The following ARRB1 variants were observed in gnomAD, a reference collection of about 807,000 sequenced individuals.
ARRB1 encodes the protein beta-arrestin-1.
A neutral mutation model predicts 56.8 loss-of-function variants in ARRB1; 21 were observed. The ratio of observed to expected loss-of-function variants is 0.37; its 90% CI spans 0.26 to 0.53. The LOEUF (loss-of-function observed/expected upper bound fraction) is 0.53. Ranked by LOEUF, ARRB1 falls within the 20% of genes least tolerant of loss-of-function variation. ARRB1 has a pLI of 0.88. For synonymous variants in ARRB1, 210 were observed against 218.6 expected, an observed-to-expected ratio of 0.96 and a Z score of 0.35; for missense variants, 424 against 553.7, an observed-to-expected ratio of 0.77 and a Z score of 2.35.
At chr11:75,281,890 A>G in intron 6 of ARRB1, 72 bp downstream of exon 6, 4 of 1,497,494 alleles carry the variant, frequency 2.7e-6, no homozygotes, top group Non-Finnish European at 3.7e-6. Flanking sequence ...AGCACCTCCC[A>G]GGGAGAAAGC....
chr11:75,290,168 A>G (rs913419702), intron 1 of ARRB1, 129 bp from the exon 2 acceptor site: 21 of 1,081,454 alleles, frequency 1.9e-5, no homozygotes, highest in Middle Eastern at 2.7e-4. Flanking sequence ...CAGGCTTGAG[A>G]TCCGAACAGT....
At chr11:75,335,818 G>A (rs1947593599) in intron 1 of ARRB1, among the ~76,000 whole-genome samples, 1 of 152,164 alleles carries the variant, frequency 6.6e-6, no homozygotes, top group Non-Finnish European at 1.5e-5. Flanking sequence ...TTTACCAAAT[G>A]TTCCCACATC....
chr11:75,266,081 A>G lies in ARRB1; in HGVS notation c.*82T>C. 1 of 1,259,818 alleles carries G rather than the reference A, an allele frequency of 7.9e-7. No individual in the cohort carries two copies. The highest frequency in any genetic ancestry group is 1.2e-5 in the South Asian group (1 of 82,316). 78.0% of individuals were successfully genotyped at this position (1,259,818 alleles called of 1,614,324 possible). On this transcript the variant is annotated 3_prime_UTR_variant, in exon 16 of 16. Coordinates refer to ENST00000420843, the MANE Select transcript of ARRB1 (RefSeq NM_004041.5). ...AAACTGGAAGAACAAAGGGGAAAAG[A>G]AACCAGAACAGGAAGAAGACGAGTA...
chr11:75,319,647 G>T (rs1312450528), intron 1 of ARRB1, among the ~76,000 whole-genome samples: 2 of 152,162 alleles, frequency 1.3e-5, no homozygotes, highest in African/African-American at 4.8e-5. Flanking sequence ...ATAAGCATCT[G>T]CCCTGCCCCA....
chr11:75,330,175 G>C (rs1947497973), intron 1 of ARRB1, among the ~76,000 whole-genome samples: 2 of 152,190 alleles, frequency 1.3e-5, no homozygotes, highest in African/African-American at 2.4e-5. Flanking sequence ...TGAACCTTCA[G>C]ATCCTGCTGC....
At chr11:75,335,122 C>A in intron 1 of ARRB1, 1 of 229,514 alleles carries the variant, frequency 4.4e-6, no homozygotes, top group South Asian at 4.7e-5. Context: ...AGGAAGGGCC[C>A]AGAGGCGATC....
intron 1 of ARRB1, among the ~76,000 whole-genome samples, chr11:75,307,771 G>A (rs1947064293): frequency 6.6e-6 from 1 of 152,204 alleles, no homozygotes; most frequent in Admixed American, 6.5e-5. Flanking sequence ...TTGAACTGAA[G>A]CCACCATGCC....
At chr11:75,292,227 T>C (rs1946627099) in intron 1 of ARRB1, among the ~76,000 whole-genome samples, 1 of 152,030 alleles carries the variant, frequency 6.6e-6, no homozygotes, top group African/African-American at 2.4e-5. Context: ...GCAACCTCCA[T>C]CCCCCAGGTT....
At chr11:75,315,792 T>A (rs913940355) in intron 1 of ARRB1, among the ~76,000 whole-genome samples, 2 of 151,010 alleles carry the variant, frequency 1.3e-5, no homozygotes, top group Non-Finnish European at 3.0e-5. Flanking sequence ...AAGCATCTCA[T>A]GAAAGGCACA....
At chr11:75,282,116 C>G (rs973584520) in intron 5 of ARRB1, 95 bp from the exon 6 acceptor site, 14 of 1,347,056 alleles carry the variant, frequency 1.0e-5, no homozygotes, top group Middle Eastern at 1.8e-4. Flanking sequence ...CCCATCAGAC[C>G]AAGGGCCCCA....
At chr11:75,274,290 T>C in intron 10 of ARRB1, 79 bp from the exon 11 acceptor site, 1 of 1,569,292 alleles carries the variant, frequency 6.4e-7, no homozygotes, top group East Asian at 2.3e-5. Flanking sequence ...CAGCAGAATA[T>C]CTAGTCTGAG....
chr11:75,308,550 C>T (rs1465037640), intron 1 of ARRB1, among the ~76,000 whole-genome samples: 1 of 152,104 alleles, frequency 6.6e-6, no homozygotes, highest in Non-Finnish European at 1.5e-5. Context: ...TCAAGACCAG[C>T]CTGGCCAACA....
rs1343005512 is a variant in ARRB1 at position 75,277,378 on chromosome 11, T to G, written c.689A>C (p.Lys230Thr). Reference sequence around the variant, plus strand: ...GTCTGGGATACCTGAGATCTTGATCTTCTTCACCGTCTTGTTGGTGTTGTT... The same window carrying G: ...GTCTGGGATACCTGAGATCTTGATCGTCTTCACCGTCTTGTTGGTGTTGTT... ...VTNNTNKTVKKIKISVRQYAD... is the reference protein window; with the variant it reads ...VTNNTNKTVKTIKISVRQYAD... Residue 230 changes from lysine to threonine, a missense_variant, in exon 9 of 16, where the codon AAG (lysine) becomes ACG (threonine). By Grantham distance (78) the Lys-to-Thr change is moderately conservative. Coordinates refer to ENST00000420843, the MANE Select transcript of ARRB1 (RefSeq NM_004041.5). 1 of 1,614,076 alleles carries G rather than the reference T, an allele frequency of 6.2e-7. No homozygotes were observed. Among genetic ancestry groups the G allele is most frequent in the Non-Finnish European group, 8.5e-7 (1 of 1,180,000 alleles).
At chr11:75,333,332 AG>A (rs1947549406) in intron 1 of ARRB1, among the ~76,000 whole-genome samples, 1 of 152,260 alleles carries the variant, frequency 6.6e-6, no homozygotes, top group South Asian at 2.1e-4. Context: ...TGTTGTAAGC[AG>A]GTTTCCAGCT....
chr11:75,347,587 T>C (rs1005723789), intron 1 of ARRB1, among the ~76,000 whole-genome samples: 2 of 152,176 alleles, frequency 1.3e-5, no homozygotes, highest in African/African-American at 4.8e-5. Flanking sequence ...GGAGGCCAAC[T>C]GTGAGCCAGA....
chr11:75,297,571 T>G (rs550464614), intron 1 of ARRB1, among the ~76,000 whole-genome samples: 1 of 151,720 alleles, frequency 6.6e-6, no homozygotes, highest in East Asian at 1.9e-4. Flanking sequence ...GTACAAAAAT[T>G]AACTCAAATG....
chr11:75,343,230 CAAG>C (rs1165222900), intron 1 of ARRB1, among the ~76,000 whole-genome samples: 1 of 152,072 alleles, frequency 6.6e-6, no homozygotes, highest in African/African-American at 2.4e-5. Context: ...AGAGAGATTA[CAAG>C]AAGGTCACAA....
At chr11:75,276,704 T>G (rs1361939636) in intron 10 of ARRB1, 135 bp downstream of exon 10, 1 of 761,688 alleles carries the variant, frequency 1.3e-6, no homozygotes, top group African/African-American at 1.7e-5. Flanking sequence ...TCATCTACTC[T>G]GAGTGGCAAG....
rs369012648 is a variant in ARRB1, at chr11:75,287,398, G to A, written c.52-23C>T. On this transcript the variant is annotated intron_variant, in intron 2 of 15. Transcript: ENST00000420843. The stretch of plus-strand genomic sequence containing the variant: ...GAGCTGAGGAGGAGAGGCATAGGGG[G>A]CGTTAGCAGCTGCAGGCCCAGAGGA... The A allele has an allele frequency of 1.5e-5, 24 of 1,554,714 alleles. No homozygotes were observed. In the African/African-American group the frequency reaches 2.5e-4, roughly 16 times the overall value.
Sources: allele counts gnomAD v4.1 joint callset (sites outside exome capture counted in the v4.1 genomes callset), GRCh38; gene constraint gnomAD v4.1.1; transcripts MANE v1.5; gene names NCBI Gene and HGNC (gene_info 2026-07-23, HGNC 2026-07-21).